CACNA2D3: variants seen among roughly 807,000 people sequenced by gnomAD.
CACNA2D3 encodes voltage-dependent calcium channel subunit alpha-2/delta-3.
A neutral mutation model predicts 160.6 loss-of-function variants in CACNA2D3; 60 were observed. The ratio of observed to expected loss-of-function variants is 0.37; its 90% CI spans 0.30 to 0.46. The LOEUF is 0.46. Ranked by LOEUF, CACNA2D3 falls within the 20% of genes least tolerant of loss-of-function variation. The probability of loss-of-function intolerance (pLI) is 1.00; values close to 1 mark genes in which losing one functional copy is unlikely to be tolerated. For missense variants in CACNA2D3, 1,205 were observed against 1,365.0 expected, an observed-to-expected ratio of 0.88 and a Z score of 1.85; for synonymous variants, 558 against 492.9, an observed-to-expected ratio of 1.13 and a Z score of -1.75.
At chr3:54,290,349 C>T (rs1051876779) in intron 2 of CACNA2D3, among the ~76,000 whole-genome samples, 4 of 152,168 alleles carry the variant, frequency 2.6e-5, no homozygotes, top group Non-Finnish European at 4.4e-5. Flanking sequence ...CAAATCAAAA[C>T]CACATTGAGA....
intron 2 of CACNA2D3, among the ~76,000 whole-genome samples, chr3:54,289,113 A>G (rs894408657): frequency 1.3e-5 from 2 of 152,204 alleles, no homozygotes; most frequent in African/African-American, 4.8e-5. Flanking sequence ...GAGGAAGTCA[A>G]ATTGTCCCTG....
intron 2 of CACNA2D3, among the ~76,000 whole-genome samples, chr3:54,161,221 A>C (rs1344197852): frequency 6.6e-6 from 1 of 152,216 alleles, no homozygotes; most frequent in African/African-American, 2.4e-5. Context: ...ACATACAGAT[A>C]GCCCTCTGCA....
intron 2 of CACNA2D3, among the ~76,000 whole-genome samples, chr3:54,216,781 C>T (rs1001257837): frequency 6.6e-5 from 10 of 152,164 alleles, no homozygotes; most frequent in African/African-American, 2.4e-4. Flanking sequence ...TCAGCCAGAA[C>T]TTAAACCATC....
intron 2 of CACNA2D3, among the ~76,000 whole-genome samples, chr3:54,144,188 TC>T (rs1327482421): frequency 1.3e-5 from 2 of 152,224 alleles, no homozygotes; most frequent in East Asian, 3.8e-4. Flanking sequence ...TATGAGCATA[TC>T]CCCTATTACT....
chr3:54,252,100 G>GTTTTTTTTTTTTTTTTTTTTTTT (rs548233026), intron 2 of CACNA2D3, among the ~76,000 whole-genome samples: 21 of 120,972 alleles, frequency 1.7e-4, no homozygotes, highest in African/African-American at 6.2e-4. Context: ...TGCAGAGCTA[G>GTTTTTTTTTTTTTTTTTTTTTTT]TTTTTTTTTT....
At chr3:54,634,829 G>T (rs1305730367) in intron 10 of CACNA2D3, among the ~76,000 whole-genome samples, 1 of 152,136 alleles carries the variant, frequency 6.6e-6, no homozygotes, top group Admixed American at 6.5e-5. Flanking sequence ...GTGGGGCAGG[G>T]CATATTCACT....
At chr3:54,596,055 A>C (rs1702947672) in intron 9 of CACNA2D3, among the ~76,000 whole-genome samples, 1 of 152,128 alleles carries the variant, frequency 6.6e-6, no homozygotes, top group Non-Finnish European at 1.5e-5. Context: ...CGGGGGAAGA[A>C]GTATCCAGAG....
At chr3:55,052,114 A>C (rs573960448) in intron 35 of CACNA2D3, among the ~76,000 whole-genome samples, 3 of 152,270 alleles carry the variant, frequency 2.0e-5, no homozygotes, top group Admixed American at 2.0e-4. Flanking sequence ...CTATTCGGCC[A>C]TCTTGGCTCC....
chr3:54,400,518 A>T (rs1475970024), intron 4 of CACNA2D3, among the ~76,000 whole-genome samples: 1 of 152,182 alleles, frequency 6.6e-6, no homozygotes, highest in Admixed American at 6.5e-5. Context: ...GTGGAAAGAA[A>T]GAAGAGGAGG....
At chr3:54,899,324 A>G (rs1342285997) in intron 26 of CACNA2D3, among the ~76,000 whole-genome samples, 1 of 152,238 alleles carries the variant, frequency 6.6e-6, no homozygotes, top group African/African-American at 2.4e-5. Context: ...TCGAAATTAC[A>G]ATTTTATAGA....
chr3:54,620,678 G>A (rs1698965097), intron 9 of CACNA2D3, among the ~76,000 whole-genome samples: 1 of 152,076 alleles, frequency 6.6e-6, no homozygotes, highest in Non-Finnish European at 1.5e-5. Context: ...CTTTGCACAC[G>A]AACCTAAGTC....
intron 2 of CACNA2D3, among the ~76,000 whole-genome samples, chr3:54,222,095 T>G: frequency 6.6e-6 from 1 of 152,220 alleles, no homozygotes; most frequent in Non-Finnish European, 1.5e-5. Context: ...TTATGCTTAC[T>G]TATTATTTTA....
chr3:54,931,181 T>C (rs138149039), intron 27 of CACNA2D3, among the ~76,000 whole-genome samples: 1,560 of 152,308 alleles, frequency 0.01, 20 homozygotes, highest in Non-Finnish European at 0.016. Context: ...TGCTCCCACC[T>C]AAAACACGAA....
intron 11 of CACNA2D3, among the ~76,000 whole-genome samples, chr3:54,682,231 TTAAATA>T (rs1314537910): frequency 6.6e-6 from 1 of 150,836 alleles, no homozygotes; most frequent in Non-Finnish European, 1.5e-5. Context: ...ACAAAAGTAT[TTAAATA>T]TAAATATGAG....
intron 4 of CACNA2D3, among the ~76,000 whole-genome samples, chr3:54,428,944 C>G (rs1428504821): frequency 6.6e-6 from 1 of 152,192 alleles, no homozygotes; most frequent in Non-Finnish European, 1.5e-5. Context: ...GGGCTTTGCC[C>G]TTGACACTAG....
At chr3:54,551,948 A>G (rs1422170618) in intron 5 of CACNA2D3, among the ~76,000 whole-genome samples, 1 of 152,248 alleles carries the variant, frequency 6.6e-6, no homozygotes, top group Non-Finnish European at 1.5e-5. Flanking sequence ...ATGGCGAAGT[A>G]TCATGTATCA....
At chr3:54,256,065 A>G (rs556992962) in intron 2 of CACNA2D3, among the ~76,000 whole-genome samples, 1 of 152,324 alleles carries the variant, frequency 6.6e-6, no homozygotes, top group South Asian at 2.1e-4. Flanking sequence ...GCTTTGTGAG[A>G]AATGAACCAC....
intron 14 of CACNA2D3, among the ~76,000 whole-genome samples, chr3:54,835,445 T>C (rs1179690724): frequency 1.3e-5 from 2 of 152,146 alleles, no homozygotes; most frequent in Non-Finnish European, 2.9e-5. Flanking sequence ...GGGTACTACA[T>C]TGTAAGTAGT....
intron 14 of CACNA2D3, among the ~76,000 whole-genome samples, chr3:54,820,037 A>C (rs763456504): frequency 6.6e-6 from 1 of 152,090 alleles, no homozygotes; most frequent in Non-Finnish European, 1.5e-5. Context: ...CCATGATTCT[A>C]ATGAGCTCTT....
Sources: gnomAD v4.1 joint callset for allele counts (sites outside exome capture counted in the v4.1 genomes callset) on GRCh38, gnomAD v4.1.1 for gene constraint, MANE v1.5 for transcripts, NCBI Gene and HGNC (gene_info 2026-07-23, HGNC 2026-07-21) for gene names.